The following EFHD1 variants were observed in gnomAD, a reference collection of about 807,000 sequenced individuals.
The protein encoded by EFHD1 is EF-hand domain-containing protein D1.
A neutral mutation model predicts 17.2 loss-of-function variants in EFHD1; 10 were observed. The observed-to-expected ratio is 0.58, with a 90% confidence interval of 0.36 to 0.99. The LOEUF is 0.99. Among genes scored for constraint, EFHD1 ranks in the 50% least tolerant of loss-of-function variants. The pLI is 0.01. For synonymous variants in EFHD1, 153 were observed against 142.0 expected, an observed-to-expected ratio of 1.08 and a Z score of -0.55; for missense variants, 310 against 327.5, an observed-to-expected ratio of 0.95 and a Z score of 0.41.
chr2:232,656,475 C>T (rs1694764053), intron 1 of EFHD1, among the ~76,000 whole-genome samples: 1 of 151,268 alleles, frequency 6.6e-6, no homozygotes, highest in Non-Finnish European at 1.5e-5. Context: ...CACTCTGTCA[C>T]CCAGGCTGGA....
chr2:232,680,506 G>A (rs186093074), intron 3 of EFHD1, among the ~76,000 whole-genome samples: 4 of 152,174 alleles, frequency 2.6e-5, no homozygotes, highest in Admixed American at 2.6e-4. Context: ...GCAACATAAA[G>A]GCATAATTGA....
chr2:232,657,899 C>CTTTTTTT (rs1194396166), intron 1 of EFHD1, among the ~76,000 whole-genome samples: 19 of 100,650 alleles, frequency 1.9e-4, no homozygotes, highest in Admixed American at 6.3e-4. Context: ...TCTTTCTTTT[C>CTTTTTTT]TTTTTTTTTT....
chr2:232,681,842 G>A lies in EFHD1; in HGVS notation c.*123G>A, dbSNP rs1033664340. On this transcript the variant is annotated 3_prime_UTR_variant, in exon 4 of 4. Coordinates refer to ENST00000264059, the MANE Select transcript of EFHD1 (RefSeq NM_025202.4). ...AGCCAGCATCTCCATCCACCACCCCGTGCCAGCTCCCGTGCCAGCCTTCAT... is the reference window on the plus strand; with the variant it reads ...AGCCAGCATCTCCATCCACCACCCCATGCCAGCTCCCGTGCCAGCCTTCAT... 1.6e-5 allele frequency: 22 copies of A among 1,410,472 alleles called. No homozygotes were observed. Among genetic ancestry groups the A allele is most frequent in the African/African-American group, 2.9e-5 (2 of 69,350 alleles). 87.4% of individuals were successfully genotyped at this position (1,410,472 alleles called of 1,614,324 possible). A position where few individuals can be genotyped will look rare whatever the true frequency, so the allele number is the denominator to read the frequency against.
upstream of EFHD1, among the ~76,000 whole-genome samples, chr2:232,629,751 G>A (rs775322131): frequency 6.6e-6 from 1 of 151,848 alleles, no homozygotes; most frequent in Non-Finnish European, 1.5e-5. Flanking sequence ...TTATAGGCAT[G>A]AGCCACCACG....
intron 3 of EFHD1, among the ~76,000 whole-genome samples, chr2:232,677,925 AAGAAAAAAGAATTATATCAATT>A (rs1161989674): frequency 3.3e-5 from 5 of 152,350 alleles, no homozygotes; most frequent in African/African-American, 1.2e-4. Flanking sequence ...TATTAGAATA[AAGAAAAAAGAATTATATCAATT>A]AGAAAAAAGA....
chr2:232,622,048 C>T (rs1489849673), intron 1 of EFHD1, among the ~76,000 whole-genome samples: 1 of 152,224 alleles, frequency 6.6e-6, no homozygotes, highest in Non-Finnish European at 1.5e-5. Flanking sequence ...AGAAATGCTC[C>T]CGTCAGCAGG....
chr2:232,622,146 G>C (rs1694028147), intron 1 of EFHD1, among the ~76,000 whole-genome samples: 3 of 152,138 alleles, frequency 2.0e-5, no homozygotes, highest in Admixed American at 2.0e-4. Flanking sequence ...CGGAATTCCT[G>C]CTGCCCAGGA....
upstream of EFHD1, among the ~76,000 whole-genome samples, chr2:232,632,448 T>C (rs536768235): frequency 2.9e-4 from 44 of 152,274 alleles, no homozygotes; most frequent in South Asian, 9.1e-3. Context: ...CGTTCTCAAG[T>C]GGGGACAGAC....
At chr2:232,606,101 T>C in exon 1 of EFHD1, 1 of 1,543,538 alleles carries the variant, frequency 6.5e-7, no homozygotes, top group Non-Finnish European at 8.8e-7. Flanking sequence ...TGCTTGCCTT[T>C]CTCCGTACTG....
At chr2:232,649,726 C>G (rs1420071345) in intron 1 of EFHD1, 1 of 152,280 alleles carries the variant, frequency 6.6e-6, no homozygotes, top group Admixed American at 6.5e-5. Context: ...ATGGCAGTCT[C>G]AAGTTACAGA....
chr2:232,620,439 G>A (rs1694000226), intron 1 of EFHD1, among the ~76,000 whole-genome samples: 1 of 151,112 alleles, frequency 6.6e-6, no homozygotes, highest in Admixed American at 6.6e-5. Context: ...AGGCTGGAGG[G>A]TAGTGGTGCA....
At chr2:232,624,818 A>T (rs1160932931) in intron 1 of EFHD1, among the ~76,000 whole-genome samples, 2 of 152,128 alleles carry the variant, frequency 1.3e-5, no homozygotes, top group Admixed American at 1.3e-4. Flanking sequence ...AAAAAGGAGG[A>T]GCTCCACGCT....
At chr2:232,668,737 G>A (rs1335179012) in intron 2 of EFHD1, among the ~76,000 whole-genome samples, 1 of 152,078 alleles carries the variant, frequency 6.6e-6, no homozygotes, top group Non-Finnish European at 1.5e-5. Context: ...AGATTCAAGC[G>A]ATTCTCGTGC....
chr2:232,638,210 ATT>A, intron 1 of EFHD1: 2 of 370,640 alleles, frequency 5.4e-6, no homozygotes, highest in South Asian at 2.2e-5. Flanking sequence ...GGAAATTTTA[ATT>A]ACCCTGGACT....
chr2:232,626,992 C>T (rs1342003512), intron 1 of EFHD1, among the ~76,000 whole-genome samples: 1 of 147,990 alleles, frequency 6.8e-6, no homozygotes, highest in African/African-American at 2.5e-5. Context: ...CAAGACCAGC[C>T]TGGGCAACAT....
At chr2:232,615,684 CTTTTTTT>C (rs34266488) in intron 1 of EFHD1, among the ~76,000 whole-genome samples, 1 of 109,016 alleles carries the variant, frequency 9.2e-6, no homozygotes, top group African/African-American at 3.5e-5. Flanking sequence ...TTTTCTTTTC[CTTTTTTT>C]TTTTTTTTTT....
chr2:232,633,600 C>T, upstream of EFHD1: 3 of 1,306,858 alleles, frequency 2.3e-6, no homozygotes, highest in Non-Finnish European at 1.9e-6. Context: ...CCCGCCGCCT[C>T]GGCGGAGTGT....
At chr2:232,644,032 T>C (rs1205614761) in intron 1 of EFHD1, among the ~76,000 whole-genome samples, 1 of 152,184 alleles carries the variant, frequency 6.6e-6, no homozygotes, top group Non-Finnish European at 1.5e-5. Context: ...GACCCACAGC[T>C]AGGAGTGCTG....
intron 1 of EFHD1, among the ~76,000 whole-genome samples, chr2:232,617,087 C>T (rs1437351114): frequency 6.6e-6 from 1 of 152,210 alleles, no homozygotes. Context: ...CAAGGACGGG[C>T]TCTTCGGGGC....
Sources: allele counts gnomAD v4.1 joint callset (sites outside exome capture counted in the v4.1 genomes callset), GRCh38; gene constraint gnomAD v4.1.1; transcripts MANE v1.5; gene names NCBI Gene and HGNC (gene_info 2026-07-23, HGNC 2026-07-21).